Variants in PDE11A observed in about 807,000 individuals in gnomAD.
The protein encoded by PDE11A is dual 3',5'-cyclic-AMP and -GMP phosphodiesterase 11A.
PDE11A carries 100 observed loss-of-function variants against 100.5 expected under a neutral mutation model. That is an observed-to-expected ratio of 1.00 (90% CI 0.85 to 1.18). The LOEUF (loss-of-function observed/expected upper bound fraction) is 1.18, where lower values mean the gene tolerates loss of function less well. Among genes scored for constraint, PDE11A ranks in the 50% most tolerant of loss-of-function variants. PDE11A has a pLI of 0.00. For synonymous variants in PDE11A, 381 were observed against 420.8 expected (o/e 0.91, Z 1.16); for missense variants, 1,141 against 1,152.6 (o/e 0.99, Z 0.15).
intron 5 of PDE11A, among the ~76,000 whole-genome samples, chr2:177,873,040 C>A (rs77114945): frequency 0.011 from 1,611 of 152,244 alleles, 42 homozygotes; most frequent in African/African-American, 0.037. Flanking sequence ...GAAAACCTGA[C>A]CTTTCTTTCT....
chr2:178,027,062 T>A (rs887331936), intron 1 of PDE11A, among the ~76,000 whole-genome samples: 6 of 152,174 alleles, frequency 3.9e-5, no homozygotes, highest in Admixed American at 3.3e-4. Flanking sequence ...AAACGACCAG[T>A]GAAATGTCTA....
intron 2 of PDE11A, among the ~76,000 whole-genome samples, chr2:177,927,933 C>A (rs1172667571): frequency 2.0e-5 from 3 of 151,754 alleles, no homozygotes; most frequent in African/African-American, 7.3e-5. Flanking sequence ...GGAGAAACCC[C>A]GTCTCTACTA....
At chr2:177,789,287 C>A (rs1450116974) in intron 9 of PDE11A, among the ~76,000 whole-genome samples, 6 of 152,146 alleles carry the variant, frequency 3.9e-5, no homozygotes, top group African/African-American at 1.4e-4. Flanking sequence ...AAGACAAAAA[C>A]CACATGATTA....
chr2:178,025,304 C>A (rs910040255), intron 1 of PDE11A, among the ~76,000 whole-genome samples: 11 of 152,070 alleles, frequency 7.2e-5, no homozygotes, highest in African/African-American at 2.7e-4. Flanking sequence ...AAGGGCATAC[C>A]TTTATTTAAG....
rs191993099 is a variant in PDE11A, at chr2:177,778,548, A to T, written c.1738-9175T>A. ...AAAGGCTGGATGGCCGACTTAAGCT[A>T]AGCTGATCTGAAGTAAAATCCCAAA... is the stretch of plus-strand genomic sequence containing the variant. On this transcript the variant is annotated intron_variant, in intron 9 of 19. Coordinates refer to ENST00000286063, the MANE Select transcript of PDE11A (RefSeq NM_016953.4). Among the ~76,000 whole-genome samples, 5 of 152,342 alleles carry T rather than the reference A, an allele frequency of 3.3e-5. No individual in the cohort carries two copies. In the East Asian group the frequency reaches 9.6e-4, roughly 29 times the overall value.
intron 5 of PDE11A, among the ~76,000 whole-genome samples, chr2:177,865,306 A>C (rs1247541070): frequency 1.3e-5 from 2 of 152,146 alleles, no homozygotes; most frequent in Non-Finnish European, 2.9e-5. Flanking sequence ...CAAAAACCAC[A>C]ATGAAATGCT....
chr2:177,828,472 G>A (rs2083261008), intron 6 of PDE11A, among the ~76,000 whole-genome samples: 1 of 152,058 alleles, frequency 6.6e-6, no homozygotes, highest in Non-Finnish European at 1.5e-5. Context: ...GAAGAGAGAT[G>A]GTAAACAATA....
upstream of PDE11A, among the ~76,000 whole-genome samples, chr2:178,073,520 C>T (rs1421065359): frequency 6.6e-6 from 1 of 151,962 alleles, no homozygotes; most frequent in Non-Finnish European, 1.5e-5. Context: ...GACAGTAAAC[C>T]AAGCATAGAA....
At chr2:177,820,930 A>C (rs2083129182) in intron 6 of PDE11A, among the ~76,000 whole-genome samples, 1 of 151,904 alleles carries the variant, frequency 6.6e-6, no homozygotes. Context: ...ACTCCATTTA[A>C]TATTAAAAAC....
At chr2:178,046,259 T>A (rs1865588) in intron 1 of PDE11A, among the ~76,000 whole-genome samples, 1 of 152,040 alleles carries the variant, frequency 6.6e-6, no homozygotes, top group Non-Finnish European at 1.5e-5. Flanking sequence ...TGTGTGTTAA[T>A]TGAAAAATGA....
chr2:177,765,323 T>G (rs1280888820), intron 10 of PDE11A, among the ~76,000 whole-genome samples: 3 of 152,224 alleles, frequency 2.0e-5, no homozygotes, highest in Non-Finnish European at 1.5e-5. Context: ...TACAGGTTTA[T>G]CTTATGTGAA....
intron 2 of PDE11A, among the ~76,000 whole-genome samples, chr2:177,988,179 A>G (rs904088109): frequency 6.6e-6 from 1 of 152,208 alleles, no homozygotes; most frequent in African/African-American, 2.4e-5. Context: ...CAGGAGTTCA[A>G]TAATGTCACC....
At chr2:177,808,441 T>C (rs2082904360) in intron 9 of PDE11A, among the ~76,000 whole-genome samples, 1 of 152,172 alleles carries the variant, frequency 6.6e-6, no homozygotes, top group Admixed American at 6.5e-5. Context: ...CAACAGGTAC[T>C]ATATTCTAAA....
At chr2:177,728,305 A>T (rs1049282181) in intron 10 of PDE11A, 133 bp from the exon 11 acceptor site, 17 of 608,944 alleles carry the variant, frequency 2.8e-5, no homozygotes, top group Non-Finnish European at 4.7e-5. Context: ...GATACAGCTA[A>T]ACTCTGAGCT....
At chr2:177,998,913 C>T (rs2086110565) in intron 2 of PDE11A, 1 of 486,332 alleles carries the variant, frequency 2.1e-6, no homozygotes, top group Non-Finnish European at 3.8e-6. Context: ...TGGAAACATC[C>T]ATGGCAACAA....
intron 10 of PDE11A, among the ~76,000 whole-genome samples, chr2:177,765,689 C>T (rs114074451): frequency 2.0e-4 from 30 of 152,290 alleles, no homozygotes; most frequent in African/African-American, 7.0e-4. Context: ...TGTTTACTCA[C>T]GTTCTGAGCT....
Position 177,701,184 on chromosome 2 carries a change from A to G in PDE11A, c.2181T>C (p.Tyr727=). 6.2e-7 allele frequency: 1 copy of G among 1,605,280 alleles called. No individual in the cohort carries two copies. The highest frequency in any genetic ancestry group is 1.1e-5 in the South Asian group (1 of 90,860). The stretch of plus-strand genomic sequence containing the variant: ...GATGCTCCAAGGTAGCAGAGGTTCC[A>G]TAGAGTTGGGCCAGGGCAGAGCCAC... ...AKSGSALAQL[Y]GTSATLEHHH... The change falls in exon 14 of 20, where the codon TAT becomes TAC. Residue 727 remains tyrosine (Y), a synonymous_variant. Coordinates refer to ENST00000286063, the MANE Select transcript of PDE11A (RefSeq NM_016953.4).
At chr2:177,871,672 A>G (rs2084139099) in intron 5 of PDE11A, among the ~76,000 whole-genome samples, 1 of 151,866 alleles carries the variant, frequency 6.6e-6, no homozygotes, top group Non-Finnish European at 1.5e-5. Flanking sequence ...AGCCTGGGCA[A>G]CACAGTGAGA....
intron 2 of PDE11A, among the ~76,000 whole-genome samples, chr2:177,999,087 A>G (rs963690679): frequency 5.3e-5 from 8 of 152,236 alleles, no homozygotes; most frequent in African/African-American, 1.9e-4. Context: ...CCTAATCATG[A>G]TAGGAATCAT....
Sources: allele counts gnomAD v4.1 joint callset (sites outside exome capture counted in the v4.1 genomes callset), GRCh38; gene constraint gnomAD v4.1.1; transcripts MANE v1.5; gene names NCBI Gene and HGNC (gene_info 2026-07-23, HGNC 2026-07-21).